The following MSRA variants were observed in gnomAD, a reference collection of about 807,000 sequenced individuals.
MSRA encodes methionine sulfoxide reductase A.
A neutral mutation model predicts 31.3 loss-of-function variants in MSRA; 54 were observed. That is an observed-to-expected ratio of 1.73 (90% CI 1.39 to 2.17). The LOEUF (loss-of-function observed/expected upper bound fraction) is 2.17. Ranked by LOEUF, MSRA falls within the 30% of genes most tolerant of loss-of-function variation. The pLI is 0.00. For missense variants in MSRA, 507 were observed against 300.9 expected (o/e 1.69, Z -5.07); for synonymous variants, 169 against 116.5 (o/e 1.45, Z -2.90).
At chr8:10,314,805 A>G (rs917139508) in intron 4 of MSRA, among the ~76,000 whole-genome samples, 2 of 152,242 alleles carry the variant, frequency 1.3e-5, no homozygotes, top group African/African-American at 4.8e-5. Flanking sequence ...CATGAAAATG[A>G]AGAAAATGGA....
intron 5 of MSRA, among the ~76,000 whole-genome samples, chr8:10,374,097 A>T (rs922936721): frequency 6.6e-6 from 1 of 152,226 alleles, no homozygotes; most frequent in Admixed American, 6.5e-5. Flanking sequence ...TGATTGATCG[A>T]GAAGTCAAGC....
intron 1 of MSRA, among the ~76,000 whole-genome samples, chr8:10,190,079 G>A (rs1222401579): frequency 6.6e-6 from 1 of 152,108 alleles, no homozygotes; most frequent in Non-Finnish European, 1.5e-5. Context: ...TCTGTGATAA[G>A]CCAAGGAATG....
chr8:10,242,244 C>G (rs896439474), intron 2 of MSRA, among the ~76,000 whole-genome samples: 7 of 150,122 alleles, frequency 4.7e-5, no homozygotes, highest in Middle Eastern at 3.4e-3. Context: ...GAACTCCAGC[C>G]TGGGTGACAG....
rs74600447 is a variant in MSRA at position 10,083,528 on chromosome 8, A to C, written c.142+28870A>C. 4.8e-3 allele frequency among the ~76,000 whole-genome samples: 738 copies of C among 152,368 alleles called. 9 individuals are homozygous for C. The highest frequency in any genetic ancestry group is 0.017 in the African/African-American group (714 of 41,594). ...TTTTTCTCCAGGGAAATAAGAAATC[A>C]CATTTTTTCAAGGGTGAATCATAAA... On this transcript the variant is annotated intron_variant, in intron 1 of 5. Coordinates refer to ENST00000317173, the MANE Select transcript of MSRA (RefSeq NM_012331.5).
chr8:10,270,217 A>G (rs1403369611), intron 3 of MSRA, among the ~76,000 whole-genome samples: 2 of 152,208 alleles, frequency 1.3e-5, no homozygotes, highest in African/African-American at 2.4e-5. Flanking sequence ...AGTTTTACTT[A>G]TATACCGGAT....
At chr8:10,386,217 G>A (rs1806382804) in intron 5 of MSRA, among the ~76,000 whole-genome samples, 1 of 152,296 alleles carries the variant, frequency 6.6e-6, no homozygotes, top group Non-Finnish European at 1.5e-5. Flanking sequence ...ACCTCGGAGA[G>A]GGGAAACGAT....
Position 10,291,071 on chromosome 8 carries a change from C to G in MSRA, c.332-10463C>G, listed in dbSNP as rs564127922. Among the ~76,000 whole-genome samples the G allele has an allele frequency of 3.9e-5, 6 of 152,288 alleles. No individual in the cohort carries two copies. The East Asian group carries it at 7.7e-4, about 20-fold the overall frequency. The stretch of plus-strand genomic sequence containing the variant: ...AAACTAGGGAGTGGCTCACTGCTAT[C>G]CTAGTTACCTACTTCTACGTACTGG... On this transcript the variant is annotated intron_variant, in intron 3 of 5. Transcript: ENST00000317173.
Position 10,054,482 on chromosome 8 carries a change from G to T in MSRA, c.-35G>T. 6.6e-7 allele frequency: 1 copy of T among 1,509,004 alleles called. No homozygotes were observed. Among genetic ancestry groups the T allele is most frequent in the Non-Finnish European group, 8.9e-7 (1 of 1,122,984 alleles). The allele number at this position is 1,509,004 out of a possible 1,614,324, so 93.5% of individuals were successfully genotyped here. ...CTGCGGCTCCGCTGCCGGTAGCGCCGTCCCCCGGGACCACCCTTCGGCTGG... is the reference window on the plus strand; with the variant it reads ...CTGCGGCTCCGCTGCCGGTAGCGCCTTCCCCCGGGACCACCCTTCGGCTGG... On this transcript the variant is annotated 5_prime_UTR_variant, in exon 1 of 6. Transcript: ENST00000317173.
At chr8:10,059,572 T>C (rs1032126027) in intron 1 of MSRA, among the ~76,000 whole-genome samples, 1 of 152,214 alleles carries the variant, frequency 6.6e-6, no homozygotes, top group Non-Finnish European at 1.5e-5. Flanking sequence ...AAGCCATGAC[T>C]TAACCATGAC....
At chr8:10,245,945 A>G (rs1163549845) in intron 3 of MSRA, among the ~76,000 whole-genome samples, 1 of 152,214 alleles carries the variant, frequency 6.6e-6, no homozygotes, top group Non-Finnish European at 1.5e-5. Context: ...GACATTTCAG[A>G]TACTGGTTGT....
intron 1 of MSRA, among the ~76,000 whole-genome samples, chr8:10,142,090 C>T (rs1802766847): frequency 6.6e-6 from 1 of 152,182 alleles, no homozygotes; most frequent in African/African-American, 2.4e-5. Flanking sequence ...TGCCGAGTAG[C>T]TGGGATTACA....
chr8:10,362,385 T>G (rs781654956), intron 5 of MSRA, among the ~76,000 whole-genome samples: 1 of 151,224 alleles, frequency 6.6e-6, no homozygotes, highest in Non-Finnish European at 1.5e-5. Flanking sequence ...TCCTGCATTG[T>G]TGAGGACACG....
At chr8:10,316,544 C>A (rs923895443) in intron 4 of MSRA, among the ~76,000 whole-genome samples, 6 of 106,892 alleles carry the variant, frequency 5.6e-5, no homozygotes, top group Non-Finnish European at 1.0e-4. Context: ...CTCTCTCTCT[C>A]TCTCTCTCTC....
At chr8:10,074,024 A>G (rs181837561) in intron 1 of MSRA, among the ~76,000 whole-genome samples, 7 of 91,878 alleles carry the variant, frequency 7.6e-5, no homozygotes, top group Non-Finnish European at 1.1e-4. Flanking sequence ...CTTTTTAGTT[A>G]CATAGTTCCA....
At chr8:10,084,874 G>A in intron 1 of MSRA, among the ~76,000 whole-genome samples, 1 of 143,306 alleles carries the variant, frequency 7.0e-6, no homozygotes, top group Non-Finnish European at 1.5e-5. Context: ...CTCGAGTTTA[G>A]AGGTAGTTAT....
intron 1 of MSRA, among the ~76,000 whole-genome samples, chr8:10,177,838 A>G (rs1486414508): frequency 6.6e-6 from 1 of 152,180 alleles, no homozygotes; most frequent in Non-Finnish European, 1.5e-5. Context: ...CCTGCAAAAC[A>G]TTTGTTTCAA....
chr8:10,388,466 C>T (rs1243016331), intron 5 of MSRA, among the ~76,000 whole-genome samples: 2 of 152,178 alleles, frequency 1.3e-5, no homozygotes, highest in African/African-American at 4.8e-5. Context: ...TCAAAATAAT[C>T]AGCTCAAAAT....
chr8:10,264,693 T>C (rs1200347973), intron 3 of MSRA, among the ~76,000 whole-genome samples: 1 of 152,152 alleles, frequency 6.6e-6, no homozygotes, highest in Non-Finnish European at 1.5e-5. Context: ...GGCCTTCTGG[T>C]GCACGTGGTC....
chr8:10,373,393 C>G (rs1365891466), intron 5 of MSRA, among the ~76,000 whole-genome samples: 2 of 152,246 alleles, frequency 1.3e-5, no homozygotes, highest in Admixed American at 6.5e-5. Context: ...CAGGGTCTTG[C>G]TGTGTTGCTG....
Sources: gnomAD v4.1 joint callset for allele counts (sites outside exome capture counted in the v4.1 genomes callset) on GRCh38, gnomAD v4.1.1 for gene constraint, MANE v1.5 for transcripts, NCBI Gene and HGNC (gene_info 2026-07-23, HGNC 2026-07-21) for gene names.